The following ESR1 variants were observed in gnomAD, a reference collection of about 807,000 sequenced individuals.
ESR1 encodes estrogen receptor.
ESR1 carries 12 observed loss-of-function variants against 52.7 expected under a neutral mutation model. The ratio of observed to expected loss-of-function variants is 0.23; its 90% confidence interval spans 0.15 to 0.37. The LOEUF (loss-of-function observed/expected upper bound fraction) is 0.37. Ranked by LOEUF, ESR1 falls within the 10% of genes least tolerant of loss-of-function variation. ESR1 has a pLI of 1.00. For synonymous variants in ESR1, 305 were observed against 316.8 expected (o/e 0.96, Z 0.39); for missense variants, 584 against 779.7 (o/e 0.75, Z 2.99).
intron 2 of ESR1, among the ~76,000 whole-genome samples, chr6:151,759,880 A>G (rs930205828): frequency 6.6e-6 from 1 of 152,218 alleles, no homozygotes; most frequent in African/African-American, 2.4e-5. Context: ...TTGGTGCAAA[A>G]GTAACTGCGG....
chr6:152,080,856 T>C (rs1482750309), intron 6 of ESR1, among the ~76,000 whole-genome samples: 1 of 151,106 alleles, frequency 6.6e-6, no homozygotes, highest in Non-Finnish European at 1.5e-5. Flanking sequence ...TCCCAGTCTC[T>C]GATAAAACAG....
chr6:151,757,168 T>G (rs924277559), intron 2 of ESR1, among the ~76,000 whole-genome samples: 1 of 151,864 alleles, frequency 6.6e-6, no homozygotes, highest in Non-Finnish European at 1.5e-5. Flanking sequence ...TCCTGTTACC[T>G]CTCTCCTGAA....
intron 2 of ESR1, among the ~76,000 whole-genome samples, chr6:151,792,308 G>A (rs982291671): frequency 2.6e-5 from 4 of 152,094 alleles, no homozygotes; most frequent in African/African-American, 9.7e-5. Flanking sequence ...AAGGCCTAGG[G>A]CATTATTGTA....
At chr6:152,121,132 T>C (rs2051319911) in intron 6 of ESR1, among the ~76,000 whole-genome samples, 1 of 152,210 alleles carries the variant, frequency 6.6e-6, no homozygotes, top group South Asian at 2.1e-4. Context: ...CCAGAATTAT[T>C]AAATGATACA....
intron 1 of ESR1, among the ~76,000 whole-genome samples, chr6:151,697,109 G>T (rs1315151511): frequency 6.6e-6 from 1 of 152,130 alleles, no homozygotes; most frequent in Non-Finnish European, 1.5e-5. Context: ...AAAGATGTTG[G>T]TGTAGGATTG....
At chr6:151,701,669 C>T (rs145628849) in intron 1 of ESR1, among the ~76,000 whole-genome samples, 470 of 152,078 alleles carry the variant, frequency 3.1e-3, no homozygotes, top group Middle Eastern at 6.8e-3. Context: ...TTAAGCCCTA[C>T]TCAGCTTTGT....
At chr6:152,128,695 C>T (rs78087244) in exon 7 of ESR1, 3,596 of 152,320 alleles carry the variant, frequency 0.024, 73 homozygotes, top group South Asian at 0.061. Context: ...CTGCTGGAAA[C>T]AACATTCTAA....
At chr6:151,991,448 A>C (rs1426595100) in intron 4 of ESR1, among the ~76,000 whole-genome samples, 2 of 152,216 alleles carry the variant, frequency 1.3e-5, no homozygotes, top group Admixed American at 6.5e-5. Context: ...AGGAAAAAAA[A>C]AAATACATTT....
At chr6:151,771,402 A>G (rs998736026) in intron 2 of ESR1, among the ~76,000 whole-genome samples, 1 of 152,206 alleles carries the variant, frequency 6.6e-6, no homozygotes, top group African/African-American at 2.4e-5. Flanking sequence ...TAAAGTTTCT[A>G]CTTTTCCCAG....
intron 2 of ESR1, among the ~76,000 whole-genome samples, chr6:151,860,433 A>G (rs149369706): frequency 6.6e-6 from 1 of 152,170 alleles, no homozygotes; most frequent in Admixed American, 6.5e-5. Context: ...CCACTATTCC[A>G]TGCCTGAAAT....
intron 2 of ESR1, among the ~76,000 whole-genome samples, chr6:151,739,370 A>G (rs1005159986): frequency 1.3e-5 from 2 of 152,220 alleles, no homozygotes; most frequent in African/African-American, 4.8e-5. Flanking sequence ...TCAGATTTAT[A>G]TCAGGGTACA....
At chr6:152,021,819 T>C (rs376445559) in intron 5 of ESR1, among the ~76,000 whole-genome samples, 6 of 152,232 alleles carry the variant, frequency 3.9e-5, no homozygotes, top group African/African-American at 1.4e-4. Flanking sequence ...TGAATAAGTC[T>C]CACAAGATCT....
chr6:151,879,217 C>A lies in ESR1; in HGVS notation c.644-1438C>A, dbSNP rs9340836. On this transcript the variant is annotated intron_variant, in intron 2 of 7. Transcript: ENST00000206249. ...GATTATGGAAGCCAAGGGAAAAAGC[C>A]TGTCTCACAGCGGGAAGGGAGGTAT... Among the ~76,000 whole-genome samples the A allele has an allele frequency of 9.5e-4, 144 of 152,304 alleles. 4 individuals carry two copies. The East Asian group carries it at 0.027, about 29-fold the overall frequency.
intron 2 of ESR1, among the ~76,000 whole-genome samples, chr6:151,859,164 G>T (rs1362749863): frequency 2.0e-5 from 3 of 151,990 alleles, no homozygotes. Context: ...ATGCAAGATA[G>T]CATGCCTATT....
chr6:151,943,963 G>A (rs114141096), intron 3 of ESR1, among the ~76,000 whole-genome samples: 1 of 152,086 alleles, frequency 6.6e-6, no homozygotes, highest in African/African-American at 2.4e-5. Flanking sequence ...GGCATGTTAT[G>A]GTGGTAGTAT....
At chr6:151,955,721 A>G (rs974597893) in intron 4 of ESR1, among the ~76,000 whole-genome samples, 1 of 152,156 alleles carries the variant, frequency 6.6e-6, no homozygotes, top group African/African-American at 2.4e-5. Flanking sequence ...ACTGTTATTT[A>G]AAAAAAGTAA....
intron 6 of ESR1, among the ~76,000 whole-genome samples, chr6:152,120,845 T>G (rs1246955138): frequency 1.3e-5 from 2 of 152,148 alleles, no homozygotes; most frequent in Non-Finnish European, 2.9e-5. Flanking sequence ...AGACGGCAGT[T>G]TCAGGCAAGG....
chr6:151,821,093 G>A (rs755209441), intron 1 of ESR1, among the ~76,000 whole-genome samples: 4 of 152,080 alleles, frequency 2.6e-5, no homozygotes, highest in Non-Finnish European at 5.9e-5. Flanking sequence ...TTCCCCCAAA[G>A]TTTCCCAGCT....
chr6:151,941,978 C>T (rs1033377383), intron 3 of ESR1, among the ~76,000 whole-genome samples: 1 of 152,174 alleles, frequency 6.6e-6, no homozygotes, highest in African/African-American at 2.4e-5. Flanking sequence ...CACTATATAA[C>T]CTGATTTCAT....
Sources: allele counts gnomAD v4.1 joint callset (sites outside exome capture counted in the v4.1 genomes callset), GRCh38; gene constraint gnomAD v4.1.1; transcripts MANE v1.5; gene names NCBI Gene and HGNC (gene_info 2026-07-23, HGNC 2026-07-21).